PRR16: variants seen among roughly 807,000 people sequenced by gnomAD.
PRR16 encodes protein Largen.
Under a neutral mutation model 18.2 loss-of-function variants are expected in PRR16, and 6 were observed. The observed-to-expected ratio is 0.33, with a 90% CI of 0.18 to 0.65. The LOEUF (loss-of-function observed/expected upper bound fraction) is 0.65. Ranked by LOEUF, PRR16 falls within the 30% of genes least tolerant of loss-of-function variation. PRR16 has a pLI of 0.74. For missense variants in PRR16, 412 were observed against 376.6 expected (o/e 1.09, Z -0.78); for synonymous variants, 151 against 147.8 (o/e 1.02, Z -0.16).
intron 1 of PRR16, among the ~76,000 whole-genome samples, chr5:120,580,317 A>G (rs2112753107): frequency 6.6e-6 from 1 of 152,288 alleles, no homozygotes; most frequent in African/African-American, 2.4e-5. Flanking sequence ...TCAGTTTTCA[A>G]AGGGAATGCT....
At chr5:120,761,478 G>A in the PRR16 span, among the ~76,000 whole-genome samples, 52 of 152,188 alleles carry the variant, frequency 3.4e-4, no homozygotes, top group Non-Finnish European at 5.1e-4. Flanking sequence ...TCTTTTGTTC[G>A]TGGTATTAGC....
the PRR16 span, among the ~76,000 whole-genome samples, chr5:120,711,251 A>C: frequency 6.6e-6 from 1 of 152,156 alleles, no homozygotes; most frequent in Non-Finnish European, 1.5e-5. Flanking sequence ...GAATGTGGGC[A>C]TCTTTGGAGA....
At chr5:120,490,012 G>A (rs992144809) in intron 1 of PRR16, among the ~76,000 whole-genome samples, 4 of 152,112 alleles carry the variant, frequency 2.6e-5, no homozygotes, top group Admixed American at 6.5e-5. Context: ...AGTTTCTGCC[G>A]AGAGATCAGC....
At chr5:120,638,860 T>C (rs1346098750) in intron 1 of PRR16, among the ~76,000 whole-genome samples, 3 of 152,128 alleles carry the variant, frequency 2.0e-5, no homozygotes, top group Non-Finnish European at 4.4e-5. Flanking sequence ...CAATTTATAA[T>C]AATGGCCCCA....
At chr5:120,731,955 G>A in the PRR16 span, among the ~76,000 whole-genome samples, 1 of 152,192 alleles carries the variant, frequency 6.6e-6, no homozygotes, top group Non-Finnish European at 1.5e-5. Flanking sequence ...AAGACAGACT[G>A]GTGCTGGTAG....
At chr5:120,706,666 C>T in the PRR16 span, among the ~76,000 whole-genome samples, 3 of 152,192 alleles carry the variant, frequency 2.0e-5, no homozygotes, top group African/African-American at 7.2e-5. Context: ...GAGTATTTTA[C>T]ATATGCTACT....
the PRR16 span, among the ~76,000 whole-genome samples, chr5:120,775,796 ATTTT>A: frequency 0.061 from 4,873 of 80,466 alleles, 49 homozygotes; most frequent in South Asian, 0.11. Context: ...ACGCCTGGCT[ATTTT>A]TTTTTTTTTT....
chr5:120,614,068 T>A (rs1421133892), intron 1 of PRR16, among the ~76,000 whole-genome samples: 1 of 152,190 alleles, frequency 6.6e-6, no homozygotes, highest in Non-Finnish European at 1.5e-5. Context: ...AGTTTATGGG[T>A]GTTTGTTTGA....
intron 1 of PRR16, among the ~76,000 whole-genome samples, chr5:120,683,953 A>C (rs1387631880): frequency 1.3e-5 from 2 of 151,978 alleles, no homozygotes; most frequent in Admixed American, 6.6e-5. Context: ...AGTCATTGAG[A>C]CTACTGAAAT....
At chr5:120,640,642 A>G (rs1561588376) in intron 1 of PRR16, among the ~76,000 whole-genome samples, 1 of 152,174 alleles carries the variant, frequency 6.6e-6, no homozygotes, top group East Asian at 1.9e-4. Flanking sequence ...TATGGAATAG[A>G]ACATGAATTT....
At chr5:120,590,155 A>G (rs1753584814) in intron 1 of PRR16, among the ~76,000 whole-genome samples, 1 of 151,618 alleles carries the variant, frequency 6.6e-6, no homozygotes. Flanking sequence ...AAATAACAAT[A>G]TTGAATGCTG....
chr5:120,631,744 T>G (rs755660596), intron 1 of PRR16, among the ~76,000 whole-genome samples: 39 of 152,122 alleles, frequency 2.6e-4, no homozygotes, highest in Non-Finnish European at 5.1e-4. Flanking sequence ...CCTGATGGTC[T>G]GCCTCTACCC....
the PRR16 span, among the ~76,000 whole-genome samples, chr5:120,754,382 ATATAT>A: frequency 1.2e-4 from 5 of 42,874 alleles, no homozygotes; most frequent in East Asian, 8.7e-4. Flanking sequence ...TATATAACAT[ATATAT>A]TATATGTTAT....
At chr5:120,769,913 G>A in the PRR16 span, among the ~76,000 whole-genome samples, 1 of 150,088 alleles carries the variant, frequency 6.7e-6, no homozygotes, top group African/African-American at 2.4e-5. Context: ...TAACAAGTGT[G>A]AGGTGATATT....
At chr5:120,672,115 A>C (rs1344593704) in intron 1 of PRR16, among the ~76,000 whole-genome samples, 1 of 152,186 alleles carries the variant, frequency 6.6e-6, no homozygotes, top group African/African-American at 2.4e-5. Context: ...TGGATCACCA[A>C]GTGGCACAAG....
the PRR16 span, among the ~76,000 whole-genome samples, chr5:120,754,225 T>TAA: frequency 1.6e-5 from 1 of 60,776 alleles, no homozygotes; most frequent in South Asian, 5.0e-4. Flanking sequence ...TTATAATATA[T>TAA]AATATAATAT....
the PRR16 span, among the ~76,000 whole-genome samples, chr5:120,741,147 AAGT>A: frequency 2.8e-4 from 43 of 152,102 alleles, 1 homozygote; most frequent in South Asian, 7.0e-3. Context: ...ATATATATAG[AAGT>A]ACAGTTAATT....
intron 1 of PRR16, among the ~76,000 whole-genome samples, chr5:120,489,055 G>A (rs1749922735): frequency 6.6e-6 from 1 of 152,168 alleles, no homozygotes; most frequent in Non-Finnish European, 1.5e-5. Context: ...ATTTGCTGAG[G>A]AGAGCTTTAC....
the PRR16 span, among the ~76,000 whole-genome samples, chr5:120,713,649 A>G: frequency 8.5e-5 from 13 of 152,272 alleles, no homozygotes; most frequent in Non-Finnish European, 1.8e-4. Flanking sequence ...CCAAGTTTCC[A>G]TAGCTCCACA....
Sources: gnomAD v4.1 joint callset for allele counts (sites outside exome capture counted in the v4.1 genomes callset) on GRCh38, gnomAD v4.1.1 for gene constraint, MANE v1.5 for transcripts, NCBI Gene and HGNC (gene_info 2026-07-23, HGNC 2026-07-21) for gene names.